AGTPBP1: variants seen among roughly 807,000 people sequenced by gnomAD.
AGTPBP1 encodes the protein cytosolic carboxypeptidase 1.
AGTPBP1 carries 70 observed loss-of-function variants against 143.9 expected under a neutral mutation model. The ratio of observed to expected loss-of-function variants is 0.49; its 90% CI spans 0.40 to 0.59. The LOEUF is 0.59. Ranked by LOEUF, AGTPBP1 falls within the 20% of genes least tolerant of loss-of-function variation. The pLI is 0.00. For synonymous variants in AGTPBP1, 463 were observed against 500.2 expected (o/e 0.93, Z 0.99); for missense variants, 1,229 against 1,464.5 (o/e 0.84, Z 2.62).
intron 14 of AGTPBP1, among the ~76,000 whole-genome samples, chr9:85,627,684 G>C (rs768702719): frequency 2.6e-5 from 4 of 152,142 alleles, no homozygotes; most frequent in Non-Finnish European, 4.4e-5. Context: ...AGACAGGCAG[G>C]AAGACCAACC....
chr9:85,629,422 T>C (rs590506), intron 14 of AGTPBP1, among the ~76,000 whole-genome samples: 63,753 of 152,026 alleles, frequency 0.42, 15,090 homozygotes, highest in African/African-American at 0.65. Context: ...ACTCCCAGTA[T>C]GTATAAATTC....
rs933859486 is a variant in AGTPBP1 at position 85,597,252 on chromosome 9, T to C, written c.2336-803A>G. Among the ~76,000 whole-genome samples, 6 of 152,166 alleles carry C rather than the reference T, an allele frequency of 3.9e-5. No homozygotes were observed. In the East Asian group the frequency reaches 9.6e-4, roughly 24 times the overall value. On this transcript the variant is annotated intron_variant, in intron 17 of 25. Coordinates refer to ENST00000357081, the MANE Select transcript of AGTPBP1 (RefSeq NM_001330701.2). ...TGAAGCACTATTCATTTATTTTTTG[T>C]ATTTATCTTAATATTCACATTATCA...
At chr9:85,683,365 A>T (rs1835306011) in intron 3 of AGTPBP1, among the ~76,000 whole-genome samples, 1 of 152,214 alleles carries the variant, frequency 6.6e-6, no homozygotes, top group South Asian at 2.1e-4. Flanking sequence ...GTAATATTTT[A>T]AAGGCCCCTG....
chr9:85,724,214 G>T (rs573371657), intron 1 of AGTPBP1, among the ~76,000 whole-genome samples: 1 of 150,736 alleles, frequency 6.6e-6, no homozygotes, highest in Non-Finnish European at 1.5e-5. Context: ...TTGAACCTGG[G>T]AGGCAGGGGT....
the AGTPBP1 span, among the ~76,000 whole-genome samples, chr9:85,779,072 C>G: frequency 6.6e-6 from 1 of 151,842 alleles, no homozygotes; most frequent in African/African-American, 2.4e-5. Flanking sequence ...ACCCCAAAAC[C>G]AACAAAAGAA....
chr9:85,770,169 G>A, the AGTPBP1 span: 1 of 688,152 alleles, frequency 1.5e-6, no homozygotes, highest in Non-Finnish European at 2.4e-6. Context: ...TTCTTAAAAT[G>A]TAGTACAAGA....
chr9:85,657,340 T>A, intron 10 of AGTPBP1, 95 bp downstream of exon 10: 1 of 1,080,888 alleles, frequency 9.3e-7, no homozygotes. Flanking sequence ...ATCCTGTGTA[T>A]ACGTTTCTGA....
chr9:85,667,278 A>G (rs1021098960), intron 8 of AGTPBP1, among the ~76,000 whole-genome samples: 2 of 152,136 alleles, frequency 1.3e-5, no homozygotes, highest in African/African-American at 4.8e-5. Context: ...ATGTGCAAGT[A>G]AGCTCAGAAA....
intron 1 of AGTPBP1, among the ~76,000 whole-genome samples, chr9:85,726,040 C>T (rs1410562456): frequency 4.3e-5 from 5 of 116,090 alleles, no homozygotes; most frequent in Non-Finnish European, 4.9e-5. Context: ...CTGAGAGACA[C>T]AGCAAGACTC....
At chr9:85,626,502 G>C (rs1224781816) in intron 14 of AGTPBP1, among the ~76,000 whole-genome samples, 2 of 152,186 alleles carry the variant, frequency 1.3e-5, no homozygotes, top group African/African-American at 4.8e-5. Context: ...GTCATCATTT[G>C]CTCAAACATA....
intron 8 of AGTPBP1, among the ~76,000 whole-genome samples, chr9:85,668,503 G>A (rs537217549): frequency 2.6e-5 from 4 of 151,822 alleles, no homozygotes; most frequent in African/African-American, 7.2e-5. Flanking sequence ...GGCTATGATT[G>A]TAGTATTCTG....
intron 1 of AGTPBP1, among the ~76,000 whole-genome samples, chr9:85,732,119 A>G (rs767709583): frequency 2.6e-5 from 4 of 152,178 alleles, no homozygotes; most frequent in Non-Finnish European, 5.9e-5. Context: ...AACAAAGCCA[A>G]AATTTCTAAG....
chr9:85,653,166 G>T (rs1375518924), intron 11 of AGTPBP1, among the ~76,000 whole-genome samples: 1 of 151,166 alleles, frequency 6.6e-6, no homozygotes, highest in Non-Finnish European at 1.5e-5. Context: ...CTACTTGGGA[G>T]GCTGAGGTGG....
At chr9:85,788,799 TATAC>T in the AGTPBP1 span, among the ~76,000 whole-genome samples, 1 of 150,756 alleles carries the variant, frequency 6.6e-6, no homozygotes, top group African/African-American at 2.4e-5. Context: ...CACTTGTATA[TATAC>T]ATAGATATAG....
intron 14 of AGTPBP1, among the ~76,000 whole-genome samples, chr9:85,632,044 T>C (rs1489576117): frequency 6.6e-6 from 1 of 152,148 alleles, no homozygotes; most frequent in Non-Finnish European, 1.5e-5. Flanking sequence ...GTTTCATTTA[T>C]AGTCTATTTT....
the AGTPBP1 span, among the ~76,000 whole-genome samples, chr9:85,782,004 T>C: frequency 2.6e-5 from 4 of 152,232 alleles, no homozygotes; most frequent in African/African-American, 9.6e-5. Flanking sequence ...TAATAAAGTC[T>C]ACATTTTATA....
At chr9:85,693,956 T>C (rs1836058633) in intron 2 of AGTPBP1, among the ~76,000 whole-genome samples, 1 of 151,970 alleles carries the variant, frequency 6.6e-6, no homozygotes. Context: ...AGCTCCTAGA[T>C]CCCTGCGCAG....
chr9:85,773,001 C>T, the AGTPBP1 span, among the ~76,000 whole-genome samples: 7 of 151,974 alleles, frequency 4.6e-5, no homozygotes, highest in African/African-American at 1.7e-4. Context: ...CACAGTGGCT[C>T]ACGCCTGTAA....
At chr9:85,689,696 A>C (rs1046795844) in intron 3 of AGTPBP1, among the ~76,000 whole-genome samples, 1 of 151,632 alleles carries the variant, frequency 6.6e-6, no homozygotes, top group African/African-American at 2.4e-5. Context: ...AGAGTTTGAG[A>C]CCAGCCTGGC....
Sources: gnomAD v4.1 joint callset for allele counts (sites outside exome capture counted in the v4.1 genomes callset) on GRCh38, gnomAD v4.1.1 for gene constraint, MANE v1.5 for transcripts, NCBI Gene and HGNC (gene_info 2026-07-23, HGNC 2026-07-21) for gene names.